Variants in DCC observed in about 807,000 individuals in gnomAD.
DCC encodes DCC netrin 1 receptor.
DCC carries 58 observed loss-of-function variants against 172.5 expected under a neutral mutation model. The observed-to-expected ratio is 0.34, with a 90% CI of 0.27 to 0.42. The LOEUF (loss-of-function observed/expected upper bound fraction) is 0.42, where lower values mean the gene tolerates loss of function less well. DCC is among the 10% of genes least tolerant of loss of function. The pLI is 1.00. For missense variants in DCC, 1,740 were observed against 1,791.0 expected (o/e 0.97, Z 0.51); for synonymous variants, 709 against 644.5 (o/e 1.10, Z -1.52).
intron 1 of DCC, among the ~76,000 whole-genome samples, chr18:52,485,307 A>T (rs934337709): frequency 5.3e-5 from 8 of 152,028 alleles, no homozygotes; most frequent in Non-Finnish European, 1.0e-4. Context: ...CTTCTTAAAA[A>T]CCATAGAATA....
chr18:53,262,424 A>G lies in DCC; in HGVS notation c.1912-43154A>G, dbSNP rs117272741. On this transcript the variant is annotated intron_variant, in intron 12 of 28. Coordinates refer to ENST00000442544, the MANE Select transcript of DCC (RefSeq NM_005215.4). ...TTGGTGTAGATAAAATGAGTTTTAT[A>G]TAATTCATTGTCCCTGGATCCTCCT... Among the ~76,000 whole-genome samples the G allele has an allele frequency of 3.9e-3, 598 of 152,254 alleles. 5 individuals are homozygous for G. The highest frequency in any genetic ancestry group is 7.7e-3 in the Admixed American group (117 of 15,294).
intron 12 of DCC, among the ~76,000 whole-genome samples, chr18:53,216,365 TA>T (rs1249911965): frequency 7.9e-5 from 12 of 152,292 alleles, no homozygotes; most frequent in Non-Finnish European, 1.2e-4. Context: ...GAAATTGGCC[TA>T]AATGATTTCT....
intron 12 of DCC, among the ~76,000 whole-genome samples, chr18:53,251,633 T>C (rs1248977265): frequency 6.6e-6 from 1 of 151,912 alleles, no homozygotes. Context: ...TTTGGGTTTT[T>C]TAAAAAGTTA....
At chr18:52,806,670 C>T (rs555815783) in intron 2 of DCC, among the ~76,000 whole-genome samples, 1 of 152,318 alleles carries the variant, frequency 6.6e-6, no homozygotes, top group Admixed American at 6.5e-5. Context: ...TAGAGAACTT[C>T]TTGTAACCAA....
rs2036707689 is a variant in DCC at position 52,735,293 on chromosome 18, G to A, written c.92-16761G>A. ...CAGGGCTCACTGGTTGCCAACATCA[G>A]TAGTATGATAAGCCATTTTACACCA... On this transcript the variant is annotated intron_variant, in intron 1 of 28. Transcript: ENST00000442544. Among the ~76,000 whole-genome samples, 3 of 152,116 alleles carry A rather than the reference G, an allele frequency of 2.0e-5. No homozygotes were observed. In the South Asian group the frequency reaches 6.2e-4, roughly 31 times the overall value.
intron 1 of DCC, among the ~76,000 whole-genome samples, chr18:52,411,580 C>T (rs1469436475): frequency 6.6e-6 from 1 of 152,166 alleles, no homozygotes; most frequent in East Asian, 1.9e-4. Context: ...CTGTGGCTAC[C>T]TACTTCTGGC....
chr18:52,865,866 A>C (rs2039219850), intron 2 of DCC, among the ~76,000 whole-genome samples: 1 of 152,058 alleles, frequency 6.6e-6, no homozygotes, highest in African/African-American at 2.4e-5. Context: ...CTCTGATGAG[A>C]GTTTCTTTTG....
chr18:52,893,236 C>G (rs1568172181), intron 2 of DCC, among the ~76,000 whole-genome samples: 1 of 151,968 alleles, frequency 6.6e-6, no homozygotes, highest in Admixed American at 6.6e-5. Context: ...GAAAAAAAAT[C>G]ACTTATATTG....
In DCC at chr18:52,401,988, G is replaced by A. The variant is rs530814329; in HGVS notation, c.91+61110G>A. 2.6e-5 allele frequency among the ~76,000 whole-genome samples: 4 copies of A among 151,954 alleles called. No homozygotes were observed. In the East Asian group the frequency reaches 5.8e-4, roughly 22 times the overall value. On this transcript the variant is annotated intron_variant, in intron 1 of 28. Coordinates refer to ENST00000442544, the MANE Select transcript of DCC (RefSeq NM_005215.4). ...ATTTCAATTTATAACGATATTATAG[G>A]ATGTAAAATTTCACATAAGATGGTT...
At chr18:52,403,308 G>C (rs570941192) in intron 1 of DCC, among the ~76,000 whole-genome samples, 2 of 152,074 alleles carry the variant, frequency 1.3e-5, no homozygotes, top group Admixed American at 1.3e-4. Flanking sequence ...CTCCCTATAA[G>C]GGAAGCAGAG....
intron 8 of DCC, among the ~76,000 whole-genome samples, chr18:53,166,259 A>G (rs2054920372): frequency 6.6e-6 from 1 of 152,146 alleles, no homozygotes; most frequent in South Asian, 2.1e-4. Flanking sequence ...AAAGGTCCAT[A>G]TTTGAAATGA....
At chr18:53,300,989 C>CTTTCTTTCTTTCTTTCTTTCTTTCTTT (rs1458725496) in intron 12 of DCC, among the ~76,000 whole-genome samples, 2 of 146,588 alleles carry the variant, frequency 1.4e-5, no homozygotes, top group African/African-American at 5.1e-5. Flanking sequence ...TTCTTTCTTT[C>CTTTCTTTCTTTCTTTCTTTCTTTCTTT]TTTTTTTTTC....
rs375729807 is a variant in DCC at position 52,449,899 on chromosome 18, C to A, written c.91+109021C>A. Among the ~76,000 whole-genome samples the A allele has an allele frequency of 1.4e-4, 22 of 152,252 alleles. 2 individuals are homozygous for A. In the East Asian group the frequency reaches 3.1e-3, roughly 21 times the overall value. Reference sequence around the variant, plus strand: ...TCATCTTCTGCCATGATTGTGAGGCCTCCCCAGCAATGCATAACTTTGAGT... The same window carrying A: ...TCATCTTCTGCCATGATTGTGAGGCATCCCCAGCAATGCATAACTTTGAGT... On this transcript the variant is annotated intron_variant, in intron 1 of 28. Transcript: ENST00000442544.
chr18:52,663,035 A>T (rs1435710194), intron 1 of DCC, among the ~76,000 whole-genome samples: 4 of 152,226 alleles, frequency 2.6e-5, no homozygotes, highest in Non-Finnish European at 5.9e-5. Flanking sequence ...TACCATTCCC[A>T]TACAAAAAAT....
intron 5 of DCC, among the ~76,000 whole-genome samples, chr18:52,951,221 A>C (rs1200437810): frequency 3.9e-5 from 6 of 152,152 alleles, no homozygotes; most frequent in South Asian, 2.1e-4. Flanking sequence ...GTTCTAGTCC[A>C]GAATTTCTGT....
chr18:52,601,899 T>A (rs1237484623), intron 1 of DCC, among the ~76,000 whole-genome samples: 1 of 152,090 alleles, frequency 6.6e-6, no homozygotes, highest in Non-Finnish European at 1.5e-5. Flanking sequence ...TTCTGTAATT[T>A]TCTTACTTTT....
chr18:52,615,422 G>C (rs2034361325), intron 1 of DCC, among the ~76,000 whole-genome samples: 1 of 152,188 alleles, frequency 6.6e-6, no homozygotes. Context: ...GACATTCAGA[G>C]ATGTTACATG....
At chr18:52,429,296 G>T (rs756286612) in intron 1 of DCC, among the ~76,000 whole-genome samples, 1 of 151,956 alleles carries the variant, frequency 6.6e-6, no homozygotes, top group Non-Finnish European at 1.5e-5. Flanking sequence ...AAATTGCATC[G>T]AAGTACACAG....
chr18:53,408,340 G>A (rs1268525376), intron 19 of DCC, among the ~76,000 whole-genome samples: 1 of 152,146 alleles, frequency 6.6e-6, no homozygotes, highest in Non-Finnish European at 1.5e-5. Context: ...ACCTGGCTGA[G>A]GTCTCATCTT....
Sources: allele counts gnomAD v4.1 joint callset (sites outside exome capture counted in the v4.1 genomes callset), GRCh38; gene constraint gnomAD v4.1.1; transcripts MANE v1.5; gene names NCBI Gene and HGNC (gene_info 2026-07-23, HGNC 2026-07-21).